The following ZNF521 variants were observed in gnomAD, a reference collection of about 807,000 sequenced individuals.
ZNF521 encodes LYST-interacting protein 3.
Under a neutral mutation model 105.5 loss-of-function variants are expected in ZNF521, and 14 were observed. The observed-to-expected ratio is 0.13, with a 90% CI of 0.09 to 0.21. The LOEUF is 0.21. Ranked by LOEUF, ZNF521 falls within the 10% of genes least tolerant of loss-of-function variation. The probability of loss-of-function intolerance (pLI) is 1.00; values close to 1 mark genes in which losing one functional copy is unlikely to be tolerated. For synonymous variants in ZNF521, 635 were observed against 606.0 expected, an observed-to-expected ratio of 1.05 and a Z score of -0.70; for missense variants, 1,233 against 1,629.7, an observed-to-expected ratio of 0.76 and a Z score of 4.19.
intron 4 of ZNF521, among the ~76,000 whole-genome samples, chr18:25,205,063 C>G (rs1209810360): frequency 6.8e-6 from 1 of 147,608 alleles, no homozygotes; most frequent in Non-Finnish European, 1.5e-5. Flanking sequence ...GCAAAACTGC[C>G]TACCCCCTTA....
intron 3 of ZNF521, among the ~76,000 whole-genome samples, chr18:25,275,845 T>C (rs773676156): frequency 6.6e-6 from 1 of 152,050 alleles, no homozygotes; most frequent in Non-Finnish European, 1.5e-5. Flanking sequence ...CCTTGACACA[T>C]GAGCACCAGC....
At chr18:25,351,759 G>A (rs1914789235) in intron 1 of ZNF521, 1 of 157,300 alleles carries the variant, frequency 6.4e-6, no homozygotes, top group Non-Finnish European at 1.4e-5. Flanking sequence ...TGGTGTGCGG[G>A]GCTGCTTGTG....
intron 7 of ZNF521, among the ~76,000 whole-genome samples, chr18:25,066,826 A>G (rs1233737851): frequency 1.3e-5 from 2 of 152,206 alleles, no homozygotes; most frequent in African/African-American, 2.4e-5. Context: ...AAGAGTTTTC[A>G]GCTCTTTAGG....
chr18:25,208,087 TAA>T (rs1422196202), intron 4 of ZNF521, among the ~76,000 whole-genome samples: 1 of 152,206 alleles, frequency 6.6e-6, no homozygotes, highest in Non-Finnish European at 1.5e-5. Flanking sequence ...GTCATTCTTT[TAA>T]AAGACATGTT....
At chr18:25,257,887 T>G (rs185217707) in intron 3 of ZNF521, among the ~76,000 whole-genome samples, 1 of 152,290 alleles carries the variant, frequency 6.6e-6, no homozygotes, top group East Asian at 1.9e-4. Flanking sequence ...TTAGTTTTCT[T>G]TTTTCTCCTT....
chr18:25,349,619 G>A (rs1247221176), intron 2 of ZNF521, among the ~76,000 whole-genome samples: 1 of 151,994 alleles, frequency 6.6e-6, no homozygotes, highest in African/African-American at 2.4e-5. Flanking sequence ...GGCGTGGGGC[G>A]CCGGGCCCTG....
At chr18:25,083,308 T>C (rs1408479523) in intron 7 of ZNF521, among the ~76,000 whole-genome samples, 2 of 152,210 alleles carry the variant, frequency 1.3e-5, no homozygotes, top group African/African-American at 4.8e-5. Flanking sequence ...CATGAAACCA[T>C]GTCCAGATAT....
At chr18:25,088,035 T>C (rs969311604) in intron 7 of ZNF521, among the ~76,000 whole-genome samples, 3 of 152,130 alleles carry the variant, frequency 2.0e-5, no homozygotes, top group African/African-American at 7.2e-5. Flanking sequence ...CAATGTGGGA[T>C]GGAAGACTGA....
At chr18:25,199,723 A>G (rs1238042792) in intron 4 of ZNF521, among the ~76,000 whole-genome samples, 1 of 152,120 alleles carries the variant, frequency 6.6e-6, no homozygotes, top group East Asian at 1.9e-4. Context: ...TGTAGTTTTT[A>G]GAAGCTCAAC....
chr18:25,286,826 G>T (rs1035416795), intron 3 of ZNF521, among the ~76,000 whole-genome samples: 1 of 152,086 alleles, frequency 6.6e-6, no homozygotes, highest in Non-Finnish European at 1.5e-5. Context: ...GGTTAAAAGC[G>T]TGCCCACCTA....
intron 3 of ZNF521, among the ~76,000 whole-genome samples, chr18:25,316,726 C>A (rs939404294): frequency 5.9e-5 from 9 of 152,120 alleles, no homozygotes; most frequent in Non-Finnish European, 1.0e-4. Context: ...CCTCCACTTA[C>A]ACTTTGCCTC....
intron 7 of ZNF521, among the ~76,000 whole-genome samples, chr18:25,081,675 T>C (rs1188124738): frequency 2.0e-5 from 3 of 152,222 alleles, no homozygotes; most frequent in Non-Finnish European, 4.4e-5. Context: ...AATGAGTTCA[T>C]TGTGATAATC....
chr18:25,177,549 ATT>A (rs770555164), intron 5 of ZNF521, among the ~76,000 whole-genome samples: 6 of 145,860 alleles, frequency 4.1e-5, no homozygotes, highest in Admixed American at 6.9e-5. Context: ...CTTTGTGAGG[ATT>A]TTTTTTTTTT....
At chr18:25,153,416 G>C (rs1048053974) in intron 5 of ZNF521, among the ~76,000 whole-genome samples, 1 of 152,150 alleles carries the variant, frequency 6.6e-6, no homozygotes, top group African/African-American at 2.4e-5. Flanking sequence ...CTGGGATAAT[G>C]AGAAGCTTGA....
At chr18:25,266,385 G>T (rs935805152) in intron 3 of ZNF521, among the ~76,000 whole-genome samples, 3 of 151,916 alleles carry the variant, frequency 2.0e-5, no homozygotes, top group African/African-American at 7.3e-5. Context: ...GTTTTCCACT[G>T]ACTTGTGAAT....
chr18:25,109,036 T>C (rs6508348), intron 5 of ZNF521, among the ~76,000 whole-genome samples: 95,143 of 151,980 alleles, frequency 0.63, 30,192 homozygotes, highest in South Asian at 0.75. Flanking sequence ...GAGATCTGGA[T>C]GTCCGTTCAG....
intron 5 of ZNF521, among the ~76,000 whole-genome samples, chr18:25,145,694 G>C (rs2034929836): frequency 6.6e-6 from 1 of 152,118 alleles, no homozygotes; most frequent in Non-Finnish European, 1.5e-5. Context: ...GAAGTACTTG[G>C]TTTAAGAGTT....
intron 5 of ZNF521, among the ~76,000 whole-genome samples, chr18:25,157,032 C>T (rs2035158254): frequency 6.6e-6 from 1 of 152,030 alleles, no homozygotes; most frequent in South Asian, 2.1e-4. Context: ...AAACCTGTCT[C>T]TACTAAAAAC....
At chr18:25,330,337 T>C (rs905241253) in intron 2 of ZNF521, among the ~76,000 whole-genome samples, 10 of 151,748 alleles carry the variant, frequency 6.6e-5, no homozygotes, top group Non-Finnish European at 1.3e-4. Context: ...CTAATTTTTA[T>C]ATTTTTTTAG....
Sources: gnomAD v4.1 joint callset for allele counts (sites outside exome capture counted in the v4.1 genomes callset) on GRCh38, gnomAD v4.1.1 for gene constraint, MANE v1.5 for transcripts, NCBI Gene and HGNC (gene_info 2026-07-23, HGNC 2026-07-21) for gene names.